The following TSHZ3 variants were observed in gnomAD, a reference collection of about 807,000 sequenced individuals.
The protein encoded by TSHZ3 is teashirt zinc finger homeobox 3.
TSHZ3 carries 10 observed loss-of-function variants against 64.5 expected under a neutral mutation model. The observed-to-expected ratio is 0.16, with a 90% CI of 0.10 to 0.26. The LOEUF (loss-of-function observed/expected upper bound fraction) is 0.26. Ranked by LOEUF, TSHZ3 falls within the 10% of genes least tolerant of loss-of-function variation. The pLI is 1.00. For missense variants in TSHZ3, 1,242 were observed against 1,421.7 expected (o/e 0.87, Z 2.03); for synonymous variants, 608 against 593.1 (o/e 1.03, Z -0.36).
At position 31,327,003 on chromosome 19, in the gene TSHZ3, A is replaced by G. The variant is rs145955545; in HGVS notation, c.40+22177T>C. ...AGAGAAGGCATCCTGGAGAGAAGTG[A>G]GCAGTCCAGAATGTAGACTCTCCTT... is the stretch of plus-strand genomic sequence containing the variant. On this transcript the variant is annotated intron_variant, in intron 1 of 1. Transcript: ENST00000240587. Among the ~76,000 whole-genome samples, 303 of 152,318 alleles carry G rather than the reference A, an allele frequency of 2.0e-3. 1 individual carries two copies. The highest frequency in any genetic ancestry group is 6.6e-3 in the African/African-American group (274 of 41,574).
At chr19:31,247,808 T>G (rs1030658060) in intron 1 of TSHZ3, among the ~76,000 whole-genome samples, 1 of 152,154 alleles carries the variant, frequency 6.6e-6, no homozygotes, top group African/African-American at 2.4e-5. Context: ...TGCAGTTAAT[T>G]CTCCAATGGT....
At chr19:31,188,318 A>G in intron 5 of TSHZ3, among the ~76,000 whole-genome samples, 1 of 152,000 alleles carries the variant, frequency 6.6e-6, no homozygotes, top group East Asian at 1.9e-4. Flanking sequence ...ACATGTATAA[A>G]TAATTATAGT....
chr19:31,332,804 A>C (rs1186550996), intron 1 of TSHZ3, among the ~76,000 whole-genome samples: 1 of 152,042 alleles, frequency 6.6e-6, no homozygotes, highest in African/African-American at 2.4e-5. Flanking sequence ...AACAAAAACA[A>C]AACAAAACAA....
At chr19:31,322,288 C>T (rs1237539016) in intron 1 of TSHZ3, among the ~76,000 whole-genome samples, 1 of 151,680 alleles carries the variant, frequency 6.6e-6, no homozygotes, top group Non-Finnish European at 1.5e-5. Context: ...GGTTCCCGGC[C>T]AACACACCTG....
At chr19:31,322,410 G>C (rs547714986) in intron 1 of TSHZ3, among the ~76,000 whole-genome samples, 3 of 150,308 alleles carry the variant, frequency 2.0e-5, no homozygotes, top group African/African-American at 7.3e-5. Context: ...GAGCCCCCGT[G>C]CCTAGCCTTA....
At chr19:31,166,614 C>T (rs1006363290) in intron 5 of TSHZ3, among the ~76,000 whole-genome samples, 12 of 152,178 alleles carry the variant, frequency 7.9e-5, no homozygotes, top group Non-Finnish European at 1.6e-4. Flanking sequence ...GGCTAATGAA[C>T]ATGACCCTTT....
intron 1 of TSHZ3, among the ~76,000 whole-genome samples, chr19:31,301,894 T>C (rs181002196): frequency 1.3e-5 from 2 of 152,188 alleles, no homozygotes; most frequent in East Asian, 1.9e-4. Context: ...GTGGAGACAC[T>C]GTGTCCCAGA....
At chr19:31,254,864 CA>C (rs146482587) in intron 1 of TSHZ3, among the ~76,000 whole-genome samples, 3,030 of 152,260 alleles carry the variant, frequency 0.02, 58 homozygotes, top group South Asian at 0.085. Flanking sequence ...TGGACAAGGC[CA>C]CACTTAGATT....
chr19:31,278,130 G>C lies in TSHZ3; in HGVS notation c.1663C>G (p.Gln555Glu), dbSNP rs1266379599. The C allele has an allele frequency of 1.2e-6, 2 of 1,614,084 alleles. No individual in the cohort carries two copies. The highest frequency in any genetic ancestry group is 1.7e-6 in the Non-Finnish European group (2 of 1,180,052). ...GACAACTTCATCATGTTGGGAAGTT[G>C]GTAGGCGGCATGGATGCTGGGATAG... is the stretch of plus-strand genomic sequence containing the variant. The part of the protein sequence containing the change: ...GGYPSIHAAY[Q>E]LPNMMKLSLG... The change falls in exon 2 of 2, where the codon CAA (glutamine) becomes GAA (glutamate). Residue 555 changes from glutamine to glutamate, a missense_variant. By Grantham distance (29) the Gln-to-Glu change is conservative. Coordinates refer to ENST00000240587, the MANE Select transcript of TSHZ3 (RefSeq NM_020856.4). The surrounding 1 kb of genome is among the most constrained non-coding windows in gnomAD (Gnocchi z 4.7).
intron 1 of TSHZ3, among the ~76,000 whole-genome samples, chr19:31,256,673 T>G (rs1975915220): frequency 6.6e-6 from 1 of 152,212 alleles, no homozygotes; most frequent in South Asian, 2.1e-4. Flanking sequence ...AGTTTTGCAA[T>G]ATGGGAACAG....
chr19:31,252,928 T>C (rs1975861049), intron 1 of TSHZ3, among the ~76,000 whole-genome samples: 1 of 152,196 alleles, frequency 6.6e-6, no homozygotes, highest in African/African-American at 2.4e-5. Flanking sequence ...CAAATAATAA[T>C]ACTATTAGCC....
intron 5 of TSHZ3, among the ~76,000 whole-genome samples, chr19:31,196,811 C>T (rs1423502378): frequency 2.0e-5 from 3 of 151,802 alleles, no homozygotes; most frequent in African/African-American, 4.8e-5. Context: ...AATATATGAG[C>T]TAAAAATGGG....
rs970958326 is a variant in TSHZ3, at chr19:31,181,380, G to A, written n.809+23576C>T. On this transcript the variant is annotated intron_variant and non_coding_transcript_variant, in intron 5 of 6. Coordinates refer to the TSHZ3 transcript ENST00000651361. ...TTTTAGGCCTGGTAATATTACCAGG[G>A]GTCATGTTATCTGTTTTGGAAGATG... Among the ~76,000 whole-genome samples, 45 of 152,084 alleles carry A rather than the reference G, an allele frequency of 3.0e-4. 1 individual carries two copies.
chr19:31,157,449 G>T (rs145988688), intron 5 of TSHZ3, among the ~76,000 whole-genome samples: 1 of 152,142 alleles, frequency 6.6e-6, no homozygotes, highest in Non-Finnish European at 1.5e-5. Flanking sequence ...AGCTCAGTAG[G>T]TATAATAGAT....
At chr19:31,256,839 C>G (rs1194194473) in intron 1 of TSHZ3, among the ~76,000 whole-genome samples, 1 of 152,152 alleles carries the variant, frequency 6.6e-6, no homozygotes, top group African/African-American at 2.4e-5. Context: ...GCTGATTCCT[C>G]TGTGTTCCCT....
intron 5 of TSHZ3, among the ~76,000 whole-genome samples, chr19:31,199,521 C>T (rs116738676): frequency 6.9e-4 from 102 of 148,674 alleles, no homozygotes; most frequent in African/African-American, 2.4e-3. Flanking sequence ...GACAACAGAA[C>T]ATCCACATGA....
chr19:31,200,587 G>T (rs888116157), intron 5 of TSHZ3, among the ~76,000 whole-genome samples: 1 of 152,152 alleles, frequency 6.6e-6, no homozygotes, highest in Non-Finnish European at 1.5e-5. Context: ...GGAGGCAGGC[G>T]AACAGACGAA....
chr19:31,278,175 C>G lies in TSHZ3; in HGVS notation c.1618G>C (p.Gly540Arg). Residue 540 changes from glycine (G) to arginine (R), a missense_variant, in exon 2 of 2, where the codon GGC becomes CGC. Around this residue, in one of 4 missense-constraint regions of TSHZ3, gnomAD observed 550 missense variants for 545.1 expected, o/e 1.01. Coordinates refer to ENST00000240587, the MANE Select transcript of TSHZ3 (RefSeq NM_020856.4). This position sits in a 1 kb window ranked among gnomAD's most constrained non-coding sequence, Gnocchi z 4.7. Reference protein sequence around the residue: ...VTSAINKAQNGTPSWGGYPSI... With the variant: ...VTSAINKAQNRTPSWGGYPSI... The stretch of plus-strand genomic sequence containing the variant: ...GGATAGCCCCCCCAGCTAGGAGTGC[C>G]GTTCTGGGCCTTGTTGATTGCGGAT... 3 of 1,614,056 alleles carry G rather than the reference C, an allele frequency of 1.9e-6. No individual in the cohort carries two copies. The highest frequency in any genetic ancestry group is 1.1e-5 in the South Asian group (1 of 91,080).
At chr19:31,335,823 C>G (rs1917225915) in intron 1 of TSHZ3, among the ~76,000 whole-genome samples, 1 of 152,182 alleles carries the variant, frequency 6.6e-6, no homozygotes, top group South Asian at 2.1e-4. Context: ...AGCTGTGTCA[C>G]CCCCGTGGGC....
Sources: allele counts gnomAD v4.1 joint callset (sites outside exome capture counted in the v4.1 genomes callset), GRCh38; gene constraint gnomAD v4.1.1; regional missense constraint gnomAD v4.1.1; non-coding constraint Gnocchi (gnomAD v3.1); transcripts MANE v1.5; gene names NCBI Gene and HGNC (gene_info 2026-07-23, HGNC 2026-07-21).